SAMD5: variants seen among roughly 807,000 people sequenced by gnomAD.
The protein encoded by SAMD5 is sterile alpha motif domain containing 5.
A neutral mutation model predicts 11.3 loss-of-function variants in SAMD5; 13 were observed. The ratio of observed to expected loss-of-function variants is 1.15; its 90% CI spans 0.75 to 1.83. The LOEUF is 1.83. Ranked by LOEUF, SAMD5 falls within the 40% of genes most tolerant of loss-of-function variation. The pLI is 0.00. For synonymous variants in SAMD5, 129 were observed against 111.3 expected (o/e 1.16, Z -1.00); for missense variants, 255 against 239.1 (o/e 1.07, Z -0.44).
intron 1 of SAMD5, among the ~76,000 whole-genome samples, chr6:147,714,526 G>A (rs1257550458): frequency 6.6e-6 from 1 of 152,154 alleles, no homozygotes; most frequent in African/African-American, 2.4e-5. Context: ...AGGGGAGGGG[G>A]ACAATTGCTT....
At chr6:147,592,891 C>A (rs1162824357) in intron 1 of SAMD5, among the ~76,000 whole-genome samples, 1 of 152,126 alleles carries the variant, frequency 6.6e-6, no homozygotes, top group Non-Finnish European at 1.5e-5. Flanking sequence ...CATTCATCCA[C>A]CATTGAGATC....
At chr6:147,827,175 G>T in the SAMD5 span, among the ~76,000 whole-genome samples, 1 of 152,150 alleles carries the variant, frequency 6.6e-6, no homozygotes, top group Admixed American at 6.5e-5. Flanking sequence ...AGATTACTTT[G>T]TCTGATTGAG....
intron 1 of SAMD5, among the ~76,000 whole-genome samples, chr6:147,653,212 C>T (rs1790515685): frequency 6.6e-6 from 1 of 152,184 alleles, no homozygotes; most frequent in Non-Finnish European, 1.5e-5. Flanking sequence ...AAGGTATTTT[C>T]AGAGATAAAT....
At chr6:147,681,362 T>A (rs1394154994) in intron 1 of SAMD5, among the ~76,000 whole-genome samples, 1 of 152,156 alleles carries the variant, frequency 6.6e-6, no homozygotes, top group Non-Finnish European at 1.5e-5. Flanking sequence ...GGCACCAGTG[T>A]TTTTCATCAT....
the SAMD5 span, among the ~76,000 whole-genome samples, chr6:147,827,388 T>A: frequency 6.6e-6 from 1 of 151,568 alleles, no homozygotes; most frequent in East Asian, 1.9e-4. Flanking sequence ...ACTCAGTAAG[T>A]CAACTGAGAA....
chr6:147,549,207 G>A (rs1019888457), intron 1 of SAMD5, among the ~76,000 whole-genome samples: 20 of 152,208 alleles, frequency 1.3e-4, no homozygotes, highest in African/African-American at 4.6e-4. Flanking sequence ...ATACTTGCGT[G>A]CACCAGTTCA....
At chr6:147,933,448 T>G in the SAMD5 span, among the ~76,000 whole-genome samples, 1 of 152,194 alleles carries the variant, frequency 6.6e-6, no homozygotes, top group African/African-American at 2.4e-5. Context: ...AAATGTTTGC[T>G]GACAAACGTG....
At chr6:147,598,299 A>AT (rs1437918294) in intron 1 of SAMD5, among the ~76,000 whole-genome samples, 1 of 151,694 alleles carries the variant, frequency 6.6e-6, no homozygotes, top group South Asian at 2.1e-4. Flanking sequence ...TAATTTTTGT[A>AT]TTTTTTGTAG....
At chr6:147,889,850 C>A in the SAMD5 span, among the ~76,000 whole-genome samples, 1 of 152,274 alleles carries the variant, frequency 6.6e-6, no homozygotes, top group African/African-American at 2.4e-5. Context: ...GACTCCACTG[C>A]GTTCCTACAG....
the SAMD5 span, among the ~76,000 whole-genome samples, chr6:147,889,395 CAA>C: frequency 2.0e-5 from 3 of 152,182 alleles, no homozygotes; most frequent in Non-Finnish European, 4.4e-5. Flanking sequence ...CCTGAACACA[CAA>C]AAGACAGTTG....
At chr6:147,730,250 A>C in intron 1 of SAMD5, 1 of 364,660 alleles carries the variant, frequency 2.7e-6, no homozygotes, top group Non-Finnish European at 5.3e-6. Context: ...AAAGATATGA[A>C]ATTCCCTGAC....
chr6:147,922,039 C>T, the SAMD5 span, among the ~76,000 whole-genome samples: 1 of 152,182 alleles, frequency 6.6e-6, no homozygotes, highest in Non-Finnish European at 1.5e-5. Flanking sequence ...TTACAAGCAT[C>T]ATAACAACTC....
At position 147,530,086 on chromosome 6, in the gene SAMD5, T is replaced by G. The variant is rs570730436; in HGVS notation, c.459+20699T>G. Among the ~76,000 whole-genome samples, 3 of 152,352 alleles carry G rather than the reference T, an allele frequency of 2.0e-5. No homozygotes were observed. The South Asian group carries it at 6.2e-4, about 32-fold the overall frequency. ...TTTTTACCATATATGGGGACGATTT[T>G]TTCCCCCTGGTATTTAGGCTTTGCG... On this transcript the variant is annotated intron_variant, in intron 1 of 1. Transcript: ENST00000367474.
At chr6:147,753,465 C>G in the SAMD5 span, among the ~76,000 whole-genome samples, 5 of 152,022 alleles carry the variant, frequency 3.3e-5, no homozygotes, top group Non-Finnish European at 7.4e-5. Context: ...GGGGTACATG[C>G]GATGTTTTGA....
At chr6:147,583,125 T>G (rs1221830009) in intron 1 of SAMD5, among the ~76,000 whole-genome samples, 3 of 152,270 alleles carry the variant, frequency 2.0e-5, no homozygotes, top group Non-Finnish European at 4.4e-5. Context: ...TATCTAGTTT[T>G]ACACATAGAC....
the SAMD5 span, among the ~76,000 whole-genome samples, chr6:147,866,664 C>G: frequency 1.3e-5 from 2 of 152,166 alleles, no homozygotes; most frequent in African/African-American, 4.8e-5. Context: ...ACTTAGCTCT[C>G]TCTTTTACCC....
the SAMD5 span, among the ~76,000 whole-genome samples, chr6:147,867,907 T>C: frequency 6.6e-6 from 1 of 152,170 alleles, no homozygotes; most frequent in Non-Finnish European, 1.5e-5. Flanking sequence ...CCCTCTGGGG[T>C]GTTCTCATCC....
At chr6:147,913,091 G>A in the SAMD5 span, among the ~76,000 whole-genome samples, 1 of 151,954 alleles carries the variant, frequency 6.6e-6, no homozygotes, top group Non-Finnish European at 1.5e-5. Flanking sequence ...GTACATATTG[G>A]AAAAATATAA....
intron 1 of SAMD5, among the ~76,000 whole-genome samples, chr6:147,606,928 T>C (rs1789710152): frequency 1.4e-5 from 2 of 146,322 alleles, no homozygotes; most frequent in South Asian, 2.1e-4. Context: ...AGAACTGTAT[T>C]ATCCAAAGTC....
Sources: allele counts gnomAD v4.1 joint callset (sites outside exome capture counted in the v4.1 genomes callset), GRCh38; gene constraint gnomAD v4.1.1; transcripts MANE v1.5; gene names NCBI Gene and HGNC (gene_info 2026-07-23, HGNC 2026-07-21).